ZMYM4: variants seen among roughly 807,000 people sequenced by gnomAD.
ZMYM4 encodes zinc finger MYM-type containing 4, also known as zinc finger MYM-type protein 4.
In ZMYM4, 31 loss-of-function variants were observed where a neutral mutation model predicts 183.2. The ratio of observed to expected loss-of-function variants is 0.17; its 90% CI spans 0.13 to 0.23. The LOEUF (loss-of-function observed/expected upper bound fraction) is 0.23. Among genes scored for constraint, ZMYM4 ranks in the 10% least tolerant of loss-of-function variants. The pLI is 1.00. For synonymous variants in ZMYM4, 592 were observed against 631.2 expected (o/e 0.94, Z 0.93); for missense variants, 1,273 against 1,840.3 (o/e 0.69, Z 5.64).
At chr1:35,322,046 T>A (rs1642304012) in intron 1 of ZMYM4, among the ~76,000 whole-genome samples, 1 of 151,968 alleles carries the variant, frequency 6.6e-6, no homozygotes, top group South Asian at 2.1e-4. Context: ...ATGAAGTAGA[T>A]CTCTGTATAA....
At chr1:35,349,680 A>AC (rs1255530510) in intron 2 of ZMYM4, among the ~76,000 whole-genome samples, 1 of 151,522 alleles carries the variant, frequency 6.6e-6, no homozygotes, top group African/African-American at 2.4e-5. Flanking sequence ...ATACAAAAAA[A>AC]CCAGCCAGGC....
rs142270879 is a variant in ZMYM4, at chr1:35,303,665, G to C, written c.40-21695G>C. Among the ~76,000 whole-genome samples the C allele has an allele frequency of 6.6e-5, 10 of 152,106 alleles. No individual in the cohort carries two copies. In the East Asian group the frequency reaches 1.5e-3, roughly 24 times the overall value. Reference sequence around the variant, plus strand: ...AAGTGATACATGCATGAGCCACAGCGCCCAGCCTATATTGATCTTTTGATA... The same window carrying C: ...AAGTGATACATGCATGAGCCACAGCCCCCAGCCTATATTGATCTTTTGATA... On this transcript the variant is annotated intron_variant, in intron 1 of 29. Transcript: ENST00000314607.
intron 1 of ZMYM4, among the ~76,000 whole-genome samples, chr1:35,309,781 C>T (rs903565335): frequency 4.6e-5 from 7 of 151,014 alleles, no homozygotes; most frequent in African/African-American, 1.7e-4. Context: ...AAGACTCTGT[C>T]TTAAAAAAAA....
intron 1 of ZMYM4, among the ~76,000 whole-genome samples, chr1:35,280,117 C>A (rs1640071275): frequency 6.6e-6 from 1 of 150,868 alleles, no homozygotes; most frequent in South Asian, 2.1e-4. Context: ...TTGTTACTTT[C>A]TTTTCTTTCT....
intron 1 of ZMYM4, among the ~76,000 whole-genome samples, chr1:35,322,173 A>C (rs1297841124): frequency 1.3e-5 from 2 of 152,146 alleles, no homozygotes; most frequent in African/African-American, 4.8e-5. Context: ...TTTGGGTAAG[A>C]TTGAATGTTT....
chr1:35,330,294 A>C (rs1441969859), intron 2 of ZMYM4, among the ~76,000 whole-genome samples: 1 of 152,078 alleles, frequency 6.6e-6, no homozygotes, highest in Non-Finnish European at 1.5e-5. Flanking sequence ...AAAGGAGTTT[A>C]TTTCTCATAT....
At chr1:35,308,918 C>G (rs1044353866) in intron 1 of ZMYM4, 1 of 974,080 alleles carries the variant, frequency 1.0e-6, no homozygotes, top group African/African-American at 1.8e-5. Flanking sequence ...AAGATTCATG[C>G]AAAACAATAA....
Position 35,405,914 on chromosome 1 carries a change from A to C in ZMYM4, c.3796+446A>C, listed in dbSNP as rs539017106. The stretch of plus-strand genomic sequence containing the variant: ...TGGTATTACATGAGCATTTCAAATA[A>C]AGCAACAGTGTATAATTTTAAGGCC... On this transcript the variant is annotated intron_variant, in intron 25 of 29. Coordinates refer to ENST00000314607, the MANE Select transcript of ZMYM4 (RefSeq NM_005095.3). Among the ~76,000 whole-genome samples, 4 of 152,262 alleles carry C rather than the reference A, an allele frequency of 2.6e-5. No individual in the cohort carries two copies. In the South Asian group the frequency reaches 6.2e-4, roughly 24 times the overall value.
intron 2 of ZMYM4, among the ~76,000 whole-genome samples, chr1:35,348,771 A>G (rs1643489032): frequency 6.6e-6 from 1 of 152,218 alleles, no homozygotes; most frequent in African/African-American, 2.4e-5. Flanking sequence ...AACTTTATTA[A>G]TACTTGCCAT....
rs1388809220 is a variant in ZMYM4, at chr1:35,407,155, C to T, written c.3797-853C>T. Reference sequence around the variant, plus strand: ...AGCTGAAGAAAGTTAAACAGCTGGTCGGGTGTAGTGGCTTATACTTGTAAT... The same window carrying T: ...AGCTGAAGAAAGTTAAACAGCTGGTTGGGTGTAGTGGCTTATACTTGTAAT... On this transcript the variant is annotated intron_variant, in intron 25 of 29. Transcript: ENST00000314607. Among the ~76,000 whole-genome samples, 3 of 152,162 alleles carry T rather than the reference C, an allele frequency of 2.0e-5. No homozygotes were observed. The East Asian group carries it at 5.8e-4, about 29-fold the overall frequency.
At chr1:35,342,827 C>T (rs200893663) in intron 2 of ZMYM4, among the ~76,000 whole-genome samples, 1 of 151,942 alleles carries the variant, frequency 6.6e-6, no homozygotes, top group South Asian at 2.1e-4. Flanking sequence ...CATGCCACCA[C>T]GCCCAGCTAC....
intron 2 of ZMYM4, chr1:35,351,226 G>T: frequency 6.8e-7 from 1 of 1,476,186 alleles, no homozygotes. Context: ...GTGGATGGAG[G>T]CTTGTCTGTC....
At chr1:35,331,010 T>C (rs1041118484) in intron 2 of ZMYM4, among the ~76,000 whole-genome samples, 1 of 152,228 alleles carries the variant, frequency 6.6e-6, no homozygotes, top group Non-Finnish European at 1.5e-5. Context: ...TGAATTATAA[T>C]GTATCTGCCT....
chr1:35,387,495 A>T lies in ZMYM4; in HGVS notation c.2154A>T (p.Glu718Asp). Residue 718 changes from glutamate (E) to aspartate (D), a missense_variant, in exon 13 of 30, where the codon GAA (glutamate) becomes GAT (aspartate). Transcript: ENST00000314607. The stretch of plus-strand genomic sequence containing the variant: ...TCTGTGGCAAGAATTGTTCTGATGA[A>T]TATAAGAAAATAAATAATGTAATGG... ...FQFCGKNCSD[E>D]YKKINNVMAM... 1 of 1,612,398 alleles carries T rather than the reference A, an allele frequency of 6.2e-7. No individual in the cohort carries two copies.
At chr1:35,370,749 T>G in intron 7 of ZMYM4, 122 bp downstream of exon 7, 1 of 991,112 alleles carries the variant, frequency 1.0e-6, no homozygotes, top group African/African-American at 2.1e-5. Context: ...TTTTTTTTTT[T>G]GAGAAATACC....
intron 1 of ZMYM4, among the ~76,000 whole-genome samples, chr1:35,319,235 AATTTT>A (rs760073798): frequency 3.3e-5 from 5 of 152,228 alleles, no homozygotes; most frequent in Non-Finnish European, 2.9e-5. Context: ...ATCATGGAAC[AATTTT>A]AATTTTTCTC....
intron 1 of ZMYM4, among the ~76,000 whole-genome samples, chr1:35,283,324 A>ATTTTT (rs1640288049): frequency 1.3e-5 from 1 of 79,598 alleles, no homozygotes; most frequent in African/African-American, 5.9e-5. Context: ...GTGAAGTGGT[A>ATTTTT]TCTTTTTTTT....
chr1:35,323,723 T>G lies in ZMYM4; in HGVS notation c.40-1637T>G, dbSNP rs573882461. Among the ~76,000 whole-genome samples, 9 of 152,180 alleles carry G rather than the reference T, an allele frequency of 5.9e-5. No homozygotes were observed. In the East Asian group the frequency reaches 1.7e-3, roughly 29 times the overall value. ...GCCCACCACCATGTCCGGCTAATTT[T>G]TTTGTATTTTTAGTAGAGACGGGGT... On this transcript the variant is annotated intron_variant, in intron 1 of 29. Coordinates refer to ENST00000314607, the MANE Select transcript of ZMYM4 (RefSeq NM_005095.3).
At chr1:35,308,995 G>A in intron 1 of ZMYM4, 2 of 985,400 alleles carry the variant, frequency 2.0e-6, no homozygotes, top group African/African-American at 1.7e-5. Flanking sequence ...GAGGAAAAGT[G>A]GTGTGAATGA....
Sources: gnomAD v4.1 joint callset for allele counts (sites outside exome capture counted in the v4.1 genomes callset) on GRCh38, gnomAD v4.1.1 for gene constraint, MANE v1.5 for transcripts, NCBI Gene and HGNC (gene_info 2026-07-23, HGNC 2026-07-21) for gene names.